Variants in NEK10 observed in about 807,000 individuals in gnomAD.
The protein encoded by NEK10 is NIMA related kinase 10.
In NEK10, 122 loss-of-function variants were observed where a neutral mutation model predicts 159.8. The observed-to-expected ratio is 0.76, with a 90% CI of 0.66 to 0.89. NEK10 has a LOEUF of 0.89. Ranked by LOEUF, NEK10 falls within the 40% of genes least tolerant of loss-of-function variation. The pLI, the probability that NEK10 is intolerant of heterozygous loss-of-function variation, is 0.00. For synonymous variants in NEK10, 466 were observed against 457.1 expected, an observed-to-expected ratio of 1.02 and a Z score of -0.25; for missense variants, 1,342 against 1,323.1, an observed-to-expected ratio of 1.01 and a Z score of -0.22.
chr3:27,243,983 C>T (rs1232857425), intron 23 of NEK10, among the ~76,000 whole-genome samples: 2 of 152,136 alleles, frequency 1.3e-5, no homozygotes, highest in African/African-American at 2.4e-5. Context: ...ATGATGAATA[C>T]ACATCTCTCC....
Position 27,286,545 on chromosome 3 carries a change from C to CTTTTTTTT in NEK10, c.1789+1145_1789+1152dup, listed in dbSNP as rs36101281. On this transcript the variant is annotated intron_variant, in intron 20 of 35. Coordinates refer to ENST00000691995, the MANE Select transcript of NEK10 (RefSeq NM_001394966.1). Reference sequence around the variant, plus strand: ...TACAGGCGCCTGCCACCACGCCCAGCTTTTTTTTTTTTTTTTTTTTTTTAA... The same window carrying CTTTTTTTT: ...TACAGGCGCCTGCCACCACGCCCAGCTTTTTTTTTTTTTTTTTTTTTTTTTTTTTTTAA... 3.1e-4 allele frequency among the ~76,000 whole-genome samples: 20 copies of CTTTTTTTT among 65,018 alleles called. 5 individuals carry two copies. The highest frequency in any genetic ancestry group is 7.1e-4 in the African/African-American group (8 of 11,228). The allele number at this position is 65,018 out of a possible 152,430, so 42.7% of individuals were successfully genotyped here. A position where few individuals can be genotyped will look rare whatever the true frequency, so the allele number is the denominator to read the frequency against.
At chr3:27,324,420 A>T (rs1452518837) in intron 5 of NEK10, among the ~76,000 whole-genome samples, 1 of 152,198 alleles carries the variant, frequency 6.6e-6, no homozygotes, top group Non-Finnish European at 1.5e-5. Flanking sequence ...AATTGACTTC[A>T]TGAACTCCCC....
At chr3:27,123,796 G>C (rs915843591) in intron 32 of NEK10, among the ~76,000 whole-genome samples, 21 of 152,012 alleles carry the variant, frequency 1.4e-4, no homozygotes, top group Non-Finnish European at 2.9e-4. Context: ...GAGTAAGAAT[G>C]AGTAGATGGG....
chr3:27,276,955 C>G (rs2041819061), intron 22 of NEK10, among the ~76,000 whole-genome samples: 1 of 152,184 alleles, frequency 6.6e-6, no homozygotes, highest in Non-Finnish European at 1.5e-5. Flanking sequence ...CCTCAACAGT[C>G]TCTCTTACAA....
rs1028091545 is a variant in NEK10 at position 27,111,210 on chromosome 3, C to A, written c.*62G>T. ...CCAATCCTTGGGCATCTTGCAATAG[C>A]GGCTGAAGTCCAGAACTTGAACTTC... On this transcript the variant is annotated 3_prime_UTR_variant, in exon 36 of 36. Coordinates refer to ENST00000691995, the MANE Select transcript of NEK10 (RefSeq NM_001394966.1). 2.7e-6 allele frequency: 4 copies of A among 1,482,572 alleles called. No individual in the cohort carries two copies. In the African/African-American group the frequency reaches 4.2e-5, roughly 15 times the overall value. 91.8% of individuals were successfully genotyped at this position (1,482,572 alleles called of 1,614,324 possible). A position where few individuals can be genotyped will look rare whatever the true frequency, so the allele number is the denominator to read the frequency against.
intron 31 of NEK10, among the ~76,000 whole-genome samples, chr3:27,133,606 C>T (rs1483391597): frequency 6.6e-6 from 1 of 152,128 alleles, no homozygotes; most frequent in Non-Finnish European, 1.5e-5. Flanking sequence ...GAAACCCCAT[C>T]TCTACTAAAA....
intron 30 of NEK10, among the ~76,000 whole-genome samples, chr3:27,158,793 T>C (rs1945743702): frequency 6.6e-6 from 1 of 152,190 alleles, no homozygotes; most frequent in South Asian, 2.1e-4. Flanking sequence ...CACCCAAAAA[T>C]TTACATTTGA....
chr3:27,157,313 T>A (rs796993526), intron 30 of NEK10, among the ~76,000 whole-genome samples: 77 of 151,868 alleles, frequency 5.1e-4, no homozygotes, highest in African/African-American at 1.7e-3. Context: ...GGAAAGAAAT[T>A]TAAAAAATTT....
At chr3:27,153,652 A>T (rs1205725308) in intron 30 of NEK10, among the ~76,000 whole-genome samples, 10 of 152,180 alleles carry the variant, frequency 6.6e-5, no homozygotes, top group African/African-American at 2.4e-4. Flanking sequence ...CTGCAAAAGG[A>T]ACCTTCAAAA....
At chr3:27,306,698 A>C (rs2044270413) in intron 11 of NEK10, among the ~76,000 whole-genome samples, 1 of 152,188 alleles carries the variant, frequency 6.6e-6, no homozygotes, top group African/African-American at 2.4e-5. Flanking sequence ...AATACGGGAA[A>C]AATAGGGTTA....
At chr3:27,148,504 C>A (rs1944522860) in intron 30 of NEK10, among the ~76,000 whole-genome samples, 1 of 152,090 alleles carries the variant, frequency 6.6e-6, no homozygotes. Context: ...TCTTTGATAT[C>A]CAGGTTTCTT....
chr3:27,111,541 T>C (rs959917135), intron 35 of NEK10, among the ~76,000 whole-genome samples: 1 of 152,194 alleles, frequency 6.6e-6, no homozygotes. Context: ...TAGGAACTGA[T>C]AACACTTTGT....
At chr3:27,131,291 A>C (rs552655705) in intron 32 of NEK10, among the ~76,000 whole-genome samples, 150 of 152,322 alleles carry the variant, frequency 9.8e-4, no homozygotes, top group African/African-American at 3.5e-3. Context: ...TCTACCAACC[A>C]GGACAAAGGG....
intron 35 of NEK10, among the ~76,000 whole-genome samples, chr3:27,112,351 C>T (rs2125397767): frequency 6.6e-6 from 1 of 152,330 alleles, no homozygotes; most frequent in African/African-American, 2.4e-5. Context: ...TAGTGACTGG[C>T]TGGCTAGATG....
At chr3:27,228,987 C>T (rs560742474) in intron 23 of NEK10, among the ~76,000 whole-genome samples, 10 of 152,252 alleles carry the variant, frequency 6.6e-5, no homozygotes, top group Non-Finnish European at 1.0e-4. Context: ...ATTACATCTA[C>T]GCACCTGACC....
intron 26 of NEK10, among the ~76,000 whole-genome samples, chr3:27,188,103 T>C (rs1041901780): frequency 6.6e-6 from 1 of 152,218 alleles, no homozygotes; most frequent in Non-Finnish European, 1.5e-5. Flanking sequence ...TGATTCTTAG[T>C]ATTAAGTGAG....
At chr3:27,133,568 A>G (rs1467206031) in intron 31 of NEK10, among the ~76,000 whole-genome samples, 1 of 152,234 alleles carries the variant, frequency 6.6e-6, no homozygotes, top group African/African-American at 2.4e-5. Context: ...TGAGGTAAGG[A>G]GTTCAAGACT....
intron 6 of NEK10, among the ~76,000 whole-genome samples, chr3:27,319,187 A>G (rs1436922023): frequency 6.6e-6 from 1 of 152,228 alleles, no homozygotes; most frequent in Non-Finnish European, 1.5e-5. Context: ...ATCTTTGATA[A>G]GCAATGTGCT....
At chr3:27,319,321 C>T (rs2149643545) in intron 6 of NEK10, among the ~76,000 whole-genome samples, 1 of 152,312 alleles carries the variant, frequency 6.6e-6, no homozygotes, top group East Asian at 1.9e-4. Context: ...ATTATATCTT[C>T]AAAATGGCTT....
Sources: allele counts gnomAD v4.1 joint callset (sites outside exome capture counted in the v4.1 genomes callset), GRCh38; gene constraint gnomAD v4.1.1; transcripts MANE v1.5; gene names NCBI Gene and HGNC (gene_info 2026-07-23, HGNC 2026-07-21).